The following IPO8 variants were observed in gnomAD, a reference collection of about 807,000 sequenced individuals.
IPO8 encodes importin-8.
Under a neutral mutation model 141.2 loss-of-function variants are expected in IPO8, and 65 were observed. The observed-to-expected ratio is 0.46, with a 90% CI of 0.38 to 0.57. IPO8 has a LOEUF of 0.57. IPO8 is among the 20% of genes least tolerant of loss of function. IPO8 has a pLI of 0.00. For missense variants in IPO8, 980 were observed against 1,246.8 expected (o/e 0.79, Z 3.22); for synonymous variants, 411 against 420.3 (o/e 0.98, Z 0.27).
At chr12:30,670,002 C>T (rs558493168) in intron 9 of IPO8, among the ~76,000 whole-genome samples, 7 of 152,198 alleles carry the variant, frequency 4.6e-5, no homozygotes, top group African/African-American at 1.4e-4. Context: ...TAAGGATCAG[C>T]GTTTTCTTAT....
chr12:30,640,457 T>C (rs895253488), intron 20 of IPO8, among the ~76,000 whole-genome samples: 1 of 152,166 alleles, frequency 6.6e-6, no homozygotes, highest in Non-Finnish European at 1.5e-5. Flanking sequence ...ATTGGATATA[T>C]ATTTGGGTCA....
At chr12:30,662,538 T>C (rs1357822161) in intron 14 of IPO8, 51 bp from the exon 15 acceptor site, 3 of 1,415,938 alleles carry the variant, frequency 2.1e-6, no homozygotes, top group Non-Finnish European at 2.9e-6. Flanking sequence ...GCCCAGATGA[T>C]AAAAGGAATT....
At chr12:30,682,251 A>G (rs964609596) in intron 3 of IPO8, among the ~76,000 whole-genome samples, 70 of 152,184 alleles carry the variant, frequency 4.6e-4, no homozygotes, top group African/African-American at 1.6e-3. Flanking sequence ...AAGAAGGCCT[A>G]CATAATGGTG....
intron 10 of IPO8, 65 bp from the exon 11 acceptor site, chr12:30,666,316 C>G (rs1179334627): frequency 5.7e-6 from 7 of 1,218,512 alleles, no homozygotes; most frequent in Non-Finnish European, 8.1e-6. Flanking sequence ...GATTTTAAAC[C>G]TGACTGACCG....
chr12:30,688,404 C>T, intron 2 of IPO8: 1 of 437,622 alleles, frequency 2.3e-6, no homozygotes, highest in South Asian at 1.6e-5. Context: ...AGATTGCCCA[C>T]AAGCAAAAGA....
intron 5 of IPO8, 110 bp downstream of exon 5, chr12:30,680,372 A>T: frequency 2.6e-6 from 2 of 781,768 alleles, no homozygotes; most frequent in Non-Finnish European, 1.9e-6. Context: ...AAAGAAATAT[A>T]TGGGATAATA....
At chr12:30,634,980 T>C (rs1328704599) in intron 22 of IPO8, among the ~76,000 whole-genome samples, 1 of 152,152 alleles carries the variant, frequency 6.6e-6, no homozygotes, top group African/African-American at 2.4e-5. Context: ...AATGAAACAC[T>C]ATTCAGCTTT....
intron 18 of IPO8, 129 bp from the exon 19 acceptor site, chr12:30,652,418 T>C (rs1359389929): frequency 1.5e-6 from 1 of 653,176 alleles, no homozygotes; most frequent in Admixed American, 2.8e-5. Flanking sequence ...AGGCTAGAAA[T>C]GAAAGTAATA....
rs550659722 is a variant in IPO8, at chr12:30,644,321, C to T, written c.2269-4586G>A. On this transcript the variant is annotated intron_variant, in intron 20 of 24. Coordinates refer to ENST00000256079, the MANE Select transcript of IPO8 (RefSeq NM_006390.4). ...AGGAATTTGAGGTTACCATGAGATA[C>T]GACTGCACCATTGCACTCCAGCCTA... Among the ~76,000 whole-genome samples, 6 of 150,886 alleles carry T rather than the reference C, an allele frequency of 4.0e-5. No individual in the cohort carries two copies. In the South Asian group the frequency reaches 6.3e-4, roughly 16 times the overall value.
intron 2 of IPO8, among the ~76,000 whole-genome samples, chr12:30,685,268 T>C (rs11051027): frequency 0.21 from 32,411 of 151,660 alleles, 3,605 homozygotes; most frequent in East Asian, 0.3. Context: ...GCCTCCCAAA[T>C]ACCTGGGATT....
chr12:30,659,569 CG>C (rs2052853139), intron 16 of IPO8, among the ~76,000 whole-genome samples: 2 of 151,422 alleles, frequency 1.3e-5, no homozygotes, highest in African/African-American at 4.8e-5. Context: ...CCAACAGCTA[CG>C]GCTGGGCACG....
intron 14 of IPO8, 101 bp downstream of exon 14, chr12:30,663,388 A>AT: frequency 9.7e-7 from 1 of 1,027,156 alleles, no homozygotes; most frequent in African/African-American, 1.6e-5. Context: ...AAACCTCAGA[A>AT]TTCCAAACCC....
intron 5 of IPO8, among the ~76,000 whole-genome samples, chr12:30,677,683 G>A (rs866574239): frequency 2.0e-5 from 3 of 151,552 alleles, no homozygotes; most frequent in Non-Finnish European, 2.9e-5. Context: ...AGGCTAATGT[G>A]TGTGTGTCTT....
chr12:30,660,795 T>G (rs1049197395), intron 16 of IPO8, among the ~76,000 whole-genome samples: 3 of 152,162 alleles, frequency 2.0e-5, no homozygotes, highest in Non-Finnish European at 1.5e-5. Context: ...GAATTCTAGA[T>G]TGTTGGTTCC....
chr12:30,666,016 T>C (rs1565502991), intron 11 of IPO8, among the ~76,000 whole-genome samples, 159 bp downstream of exon 11: 1 of 152,036 alleles, frequency 6.6e-6, no homozygotes, highest in Non-Finnish European at 1.5e-5. Context: ...ATAACCATGA[T>C]ACCCCCTTTC....
chr12:30,648,529 T>C lies in IPO8; in HGVS notation c.2268+608A>G, dbSNP rs559138441. On this transcript the variant is annotated intron_variant, in intron 20 of 24. Transcript: ENST00000256079. ...AAACCATGTATGTATACACTTTAAATGGATGAAATGTATGGAACGTGAATT... is the reference window on the plus strand; with the variant it reads ...AAACCATGTATGTATACACTTTAAACGGATGAAATGTATGGAACGTGAATT... 3.9e-5 allele frequency among the ~76,000 whole-genome samples: 6 copies of C among 152,256 alleles called. No individual in the cohort carries two copies. The East Asian group carries it at 1.2e-3, about 29-fold the overall frequency.
intron 12 of IPO8, 44 bp from the exon 13 acceptor site, chr12:30,665,353 G>A (rs529054267): frequency 3.3e-5 from 36 of 1,088,600 alleles, no homozygotes; most frequent in East Asian, 1.7e-4. Flanking sequence ...TTTTTCATAC[G>A]TAAGAATCAC....
At chr12:30,682,294 C>T (rs2053196911) in intron 3 of IPO8, among the ~76,000 whole-genome samples, 1 of 152,158 alleles carries the variant, frequency 6.6e-6, no homozygotes, top group South Asian at 2.1e-4. Context: ...ACCTTGAACT[C>T]ATCCATTATC....
Position 30,661,233 on chromosome 12 carries a change from CA to C in IPO8, c.1788del (p.Asp596GlufsTer11). 1.3e-6 allele frequency: 2 copies of C among 1,596,484 alleles called. No individual in the cohort carries two copies. The highest frequency in any genetic ancestry group is 1.7e-6 in the Non-Finnish European group (2 of 1,172,052). On this transcript the variant is annotated frameshift_variant, in exon 16 of 25. Transcript: ENST00000256079. LOFTEE classifies it high-confidence loss of function. ...AEIFGKVLQS[D>X]EYEEVEDKTV... ...GTTTTGTCTTCAACTTCTTCATATTCATCACTTTGAAGAACTTTGCCAAATA... is the reference window on the plus strand; with the variant it reads ...GTTTTGTCTTCAACTTCTTCATATTCTCACTTTGAAGAACTTTGCCAAATA...
Sources: gnomAD v4.1 joint callset for allele counts (sites outside exome capture counted in the v4.1 genomes callset) on GRCh38, gnomAD v4.1.1 for gene constraint, MANE v1.5 for transcripts, NCBI Gene and HGNC (gene_info 2026-07-23, HGNC 2026-07-21) for gene names.